GRID2: variants seen among roughly 807,000 people sequenced by gnomAD.
GRID2 encodes glutamate receptor ionotropic, delta-2.
In GRID2, 33 loss-of-function variants were observed where a neutral mutation model predicts 114.8. The ratio of observed to expected loss-of-function variants is 0.29; its 90% confidence interval spans 0.22 to 0.38. The LOEUF (loss-of-function observed/expected upper bound fraction) is 0.38, where lower values mean the gene tolerates loss of function less well. Among genes scored for constraint, GRID2 ranks in the 10% least tolerant of loss-of-function variants. The pLI is 1.00. For missense variants in GRID2, 1,184 were observed against 1,257.7 expected (o/e 0.94, Z 0.89); for synonymous variants, 505 against 449.9 (o/e 1.12, Z -1.55).
chr4:92,666,274 T>C (rs1360667546), intron 2 of GRID2, among the ~76,000 whole-genome samples: 1 of 151,614 alleles, frequency 6.6e-6, no homozygotes, highest in Non-Finnish European at 1.5e-5. Flanking sequence ...TAAAATACTC[T>C]ATTTATATTT....
intron 1 of GRID2, among the ~76,000 whole-genome samples, chr4:92,498,047 A>G (rs1362131092): frequency 6.6e-6 from 1 of 151,924 alleles, no homozygotes; most frequent in Non-Finnish European, 1.5e-5. Context: ...AAAGAAAAAT[A>G]CTTCATTGCT....
At chr4:92,993,166 G>A (rs1413103706) in intron 2 of GRID2, among the ~76,000 whole-genome samples, 1 of 146,272 alleles carries the variant, frequency 6.8e-6, no homozygotes. Flanking sequence ...TCTTCTTTTT[G>A]TTTGTACTTG....
chr4:93,401,533 G>A (rs945364691), intron 9 of GRID2, among the ~76,000 whole-genome samples: 1 of 152,016 alleles, frequency 6.6e-6, no homozygotes, highest in Non-Finnish European at 1.5e-5. Flanking sequence ...TTCCTGGAAA[G>A]TTAAGTTAAA....
intron 13 of GRID2, among the ~76,000 whole-genome samples, chr4:93,593,475 G>T (rs1738644865): frequency 7.5e-6 from 1 of 132,546 alleles, no homozygotes; most frequent in Non-Finnish European, 1.6e-5. Flanking sequence ...TTTCTCTCTG[G>T]CTGCCCTTAA....
chr4:93,473,997 G>A (rs1283086318), intron 11 of GRID2, among the ~76,000 whole-genome samples: 2 of 152,016 alleles, frequency 1.3e-5, no homozygotes, highest in African/African-American at 4.8e-5. Context: ...TTGTTTGCAT[G>A]TACAATTTAT....
At chr4:92,909,012 A>G (rs889686482) in intron 2 of GRID2, among the ~76,000 whole-genome samples, 1 of 152,146 alleles carries the variant, frequency 6.6e-6, no homozygotes, top group African/African-American at 2.4e-5. Flanking sequence ...TGATTGTTCA[A>G]TTTTCTTGAA....
At chr4:93,763,997 G>A (rs1320864109) in intron 14 of GRID2, among the ~76,000 whole-genome samples, 1 of 152,156 alleles carries the variant, frequency 6.6e-6, no homozygotes, top group African/African-American at 2.4e-5. Context: ...AGTGACCTAT[G>A]TGGGATTAGA....
chr4:92,698,808 C>A (rs999472763), intron 2 of GRID2, among the ~76,000 whole-genome samples: 1 of 151,950 alleles, frequency 6.6e-6, no homozygotes, highest in Non-Finnish European at 1.5e-5. Flanking sequence ...TTCTTATATT[C>A]ATCATAAGCC....
chr4:92,580,073 T>C (rs1297377483), intron 1 of GRID2, among the ~76,000 whole-genome samples: 1 of 148,638 alleles, frequency 6.7e-6, no homozygotes, highest in Non-Finnish European at 1.5e-5. Context: ...ATATATATAG[T>C]ATAATTTGCT....
intron 13 of GRID2, among the ~76,000 whole-genome samples, chr4:93,533,248 TC>T (rs2149516224): frequency 3.7e-4 from 1 of 2,722 alleles, no homozygotes; most frequent in Non-Finnish European, 7.8e-4. Flanking sequence ...CTTTCTCTCT[TC>T]CTTCCTTCCT....
intron 1 of GRID2, among the ~76,000 whole-genome samples, chr4:92,571,434 C>G (rs951690664): frequency 3.3e-5 from 5 of 151,856 alleles, no homozygotes; most frequent in South Asian, 4.2e-4. Context: ...AATAATAATG[C>G]GAGACTTTAA....
At chr4:92,499,895 G>A (rs774261444) in intron 1 of GRID2, among the ~76,000 whole-genome samples, 4 of 152,212 alleles carry the variant, frequency 2.6e-5, no homozygotes, top group African/African-American at 9.6e-5. Context: ...GATTACAGGC[G>A]TGCGCCATTG....
At chr4:92,909,051 T>A (rs1351643188) in intron 2 of GRID2, among the ~76,000 whole-genome samples, 1 of 152,190 alleles carries the variant, frequency 6.6e-6, no homozygotes, top group Admixed American at 6.5e-5. Flanking sequence ...TTTTAATATG[T>A]TTGGCAGATT....
chr4:92,914,563 C>G (rs957468315), intron 2 of GRID2, among the ~76,000 whole-genome samples: 6 of 152,074 alleles, frequency 3.9e-5, no homozygotes, highest in African/African-American at 1.4e-4. Flanking sequence ...GATCCTCTCC[C>G]TTCTCCCACC....
intron 2 of GRID2, among the ~76,000 whole-genome samples, chr4:92,913,311 G>A (rs915573210): frequency 1.3e-5 from 2 of 151,694 alleles, no homozygotes; most frequent in Admixed American, 6.6e-5. Context: ...TATAAGGAGG[G>A]GAATAGTGAA....
chr4:92,762,812 C>G (rs950924992), intron 2 of GRID2, among the ~76,000 whole-genome samples: 4 of 152,202 alleles, frequency 2.6e-5, no homozygotes, highest in Non-Finnish European at 5.9e-5. Context: ...GATGTTGTGG[C>G]ATCTTTCCCA....
chr4:93,689,037 A>C (rs1726317987), intron 14 of GRID2, among the ~76,000 whole-genome samples: 1 of 152,040 alleles, frequency 6.6e-6, no homozygotes, highest in East Asian at 1.9e-4. Context: ...CCCTTAAAAA[A>C]GATGACTGTT....
At chr4:92,687,556 A>C (rs573902466) in intron 2 of GRID2, among the ~76,000 whole-genome samples, 2 of 152,156 alleles carry the variant, frequency 1.3e-5, no homozygotes, top group East Asian at 3.9e-4. Context: ...GGGGCCGGGC[A>C]TGGTGGCTCA....
intron 13 of GRID2, among the ~76,000 whole-genome samples, chr4:93,562,328 A>G (rs572996137): frequency 5.0e-4 from 76 of 152,032 alleles, no homozygotes; most frequent in African/African-American, 1.6e-3. Flanking sequence ...CCTACTTACC[A>G]TCTATATATC....
Sources: gnomAD v4.1 joint callset for allele counts (sites outside exome capture counted in the v4.1 genomes callset) on GRCh38, gnomAD v4.1.1 for gene constraint, MANE v1.5 for transcripts, NCBI Gene and HGNC (gene_info 2026-07-23, HGNC 2026-07-21) for gene names.